Variants in ASB1 observed in about 807,000 individuals in gnomAD.
ASB1 encodes ankyrin repeat and SOCS box protein 1.
In ASB1, 18 loss-of-function variants were observed where a neutral mutation model predicts 27.7. The observed-to-expected ratio is 0.65, with a 90% CI of 0.45 to 0.96. The LOEUF (loss-of-function observed/expected upper bound fraction) is 0.96, where lower values mean the gene tolerates loss of function less well. ASB1 is among the 50% of genes least tolerant of loss of function. The pLI, the probability that ASB1 is intolerant of heterozygous loss-of-function variation, is 0.00. For missense variants in ASB1, 397 were observed against 451.7 expected (o/e 0.88, Z 1.10); for synonymous variants, 189 against 187.6 (o/e 1.01, Z -0.06).
At chr2:238,430,589 T>C (rs2106401929) in intron 1 of ASB1, among the ~76,000 whole-genome samples, 1 of 152,372 alleles carries the variant, frequency 6.6e-6, no homozygotes, top group South Asian at 2.1e-4. Context: ...ATGTTCTAAA[T>C]GACATCTAGA....
rs976236159 is a variant in ASB1, at chr2:238,451,718, G to A, written c.*5207G>A. ...CTTTTGATATGATATTGTAACTTTA[G>A]TAAATGCTTTACTTCCCTCTAATTG... On this transcript the variant is annotated 3_prime_UTR_variant, in exon 5 of 5. Coordinates refer to ENST00000264607, the MANE Select transcript of ASB1 (RefSeq NM_001040445.3). 6.6e-6 allele frequency: 1 copy of A among 152,600 alleles called. No individual in the cohort carries two copies. Among genetic ancestry groups the A allele is most frequent in the Non-Finnish European group, 1.5e-5 (1 of 68,038 alleles). The allele number at this position is 152,600 out of a possible 1,614,324, so 9.5% of individuals were successfully genotyped here.
intron 3 of ASB1, among the ~76,000 whole-genome samples, 178 bp from the exon 4 acceptor site, chr2:238,444,164 G>T (rs1470354735): frequency 6.6e-6 from 1 of 152,206 alleles, no homozygotes; most frequent in Non-Finnish European, 1.5e-5. Context: ...GTTCTTTCCT[G>T]CTACCTTATC....
At chr2:238,441,637 A>G (rs1437100047) in intron 3 of ASB1, among the ~76,000 whole-genome samples, 1 of 152,078 alleles carries the variant, frequency 6.6e-6, no homozygotes, top group Non-Finnish European at 1.5e-5. Context: ...GCTGCTCCGG[A>G]GCAGTGTACA....
rs1169250487 is a variant in ASB1, at chr2:238,447,801, CA to C, written c.*1292del. 1 of 152,222 alleles carries C rather than the reference CA, an allele frequency of 6.6e-6. No individual in the cohort carries two copies. The highest frequency in any genetic ancestry group is 1.9e-4 in the East Asian group (1 of 5,198). 9.4% of individuals were successfully genotyped at this position (152,222 alleles called of 1,614,324 possible). ...AGAAATCCAATTTGTAAAACTTGAA[CA>C]ATGATACCGTTTTATTTACTTAGTA... On this transcript the variant is annotated 3_prime_UTR_variant, in exon 5 of 5. Transcript: ENST00000264607.
At position 238,427,065 on chromosome 2, in the gene ASB1, G is replaced by C; in HGVS notation, c.-6G>C. 1 of 1,261,728 alleles carries C rather than the reference G, an allele frequency of 7.9e-7. No homozygotes were observed. Among genetic ancestry groups the C allele is most frequent in the Non-Finnish European group, 1.0e-6 (1 of 1,004,450 alleles). The allele number at this position is 1,261,728 out of a possible 1,614,324, so 78.2% of individuals were successfully genotyped here. On this transcript the variant is annotated 5_prime_UTR_variant, in exon 1 of 5. Coordinates refer to ENST00000264607, the MANE Select transcript of ASB1 (RefSeq NM_001040445.3). ...GTCAGGGGCGGCCGCGGAGGCGGAAGCATCCATGGCGGAGGGCGGCAGCCC... is the reference window on the plus strand; with the variant it reads ...GTCAGGGGCGGCCGCGGAGGCGGAACCATCCATGGCGGAGGGCGGCAGCCC...
intron 3 of ASB1, among the ~76,000 whole-genome samples, chr2:238,437,712 G>A (rs1365167565): frequency 1.3e-5 from 2 of 152,062 alleles, no homozygotes; most frequent in Non-Finnish European, 2.9e-5. Context: ...TGGTTCTCAG[G>A]GAAATTTTTC....
Position 238,438,198 on chromosome 2 carries a change from C to CTTTTTTTT in ASB1, c.494+2185_494+2186insTTTTTTTT, listed in dbSNP as rs1559414171. Among the ~76,000 whole-genome samples, 414 of 44,850 alleles carry CTTTTTTTT rather than the reference C, an allele frequency of 9.2e-3. 14 individuals carry two copies. Among genetic ancestry groups the CTTTTTTTT allele is most frequent in the African/African-American group, 0.039 (385 of 9,774 alleles). 29.4% of individuals were successfully genotyped at this position (44,850 alleles called of 152,430 possible). A position where few individuals can be genotyped will look rare whatever the true frequency, so the allele number is the denominator to read the frequency against. On this transcript the variant is annotated intron_variant, in intron 3 of 4. Coordinates refer to ENST00000264607, the MANE Select transcript of ASB1 (RefSeq NM_001040445.3). The stretch of plus-strand genomic sequence containing the variant: ...GAGAAGTACATATACAGATGCCCTT[C>CTTTTTTTT]ATTTTTTTTTTTTTTTTTTGAGACG...
At chr2:238,435,408 T>G in intron 2 of ASB1, 2 of 380,768 alleles carry the variant, frequency 5.3e-6, no homozygotes, top group East Asian at 5.5e-5. Flanking sequence ...TTCCCACCTT[T>G]GTAGAGGAAG....
At chr2:238,445,591 T>G (rs888750293) in intron 4 of ASB1, among the ~76,000 whole-genome samples, 8 of 152,350 alleles carry the variant, frequency 5.3e-5, no homozygotes, top group African/African-American at 1.9e-4. Flanking sequence ...TCCGAGGCTC[T>G]CTGGGATTCA....
At chr2:238,429,937 C>CAA (rs34241968) in intron 1 of ASB1, among the ~76,000 whole-genome samples, 6,555 of 132,576 alleles carry the variant, frequency 0.049, 450 homozygotes, top group African/African-American at 0.16. Context: ...GACTCCGTCT[C>CAA]AAAAAAAAAA....
chr2:238,435,663 C>G, intron 2 of ASB1, 48 bp from the exon 3 acceptor site: 1 of 1,557,544 alleles, frequency 6.4e-7, no homozygotes. Flanking sequence ...GCAGCCCGTC[C>G]CTGTCCTGCG....
rs552809178 is a variant in ASB1, at chr2:238,444,671, C to A, written c.824C>A (p.Ser275Ter). 2 of 1,613,974 alleles carry A rather than the reference C, an allele frequency of 1.2e-6. No homozygotes were observed. Among genetic ancestry groups the A allele is most frequent in the South Asian group, 1.1e-5 (1 of 91,072 alleles). The change falls in exon 4 of 5, where the codon TCG becomes TAG. Residue 275 changes from serine (S) to a stop codon, truncating the protein, a stop_gained. Transcript: ENST00000264607. LOFTEE classifies it high-confidence loss of function. ...LVKWESLGPE[S>*]RGRRKVDPEA... ...AAGTGGGAATCGCTGGGCCCAGAGT[C>A]GAGAGGAAGAAGAAAAGTGGACCCT...
At chr2:238,444,217 C>A in intron 3 of ASB1, 125 bp from the exon 4 acceptor site, 2 of 1,024,262 alleles carry the variant, frequency 2.0e-6, no homozygotes, top group Non-Finnish European at 2.8e-6. Flanking sequence ...GAGTCTCCTA[C>A]AGCGCCTGGT....
Position 238,435,786 on chromosome 2 carries a change from C to T in ASB1, c.267C>T (p.Gly89=), listed in dbSNP as rs1375746260. 1 of 1,614,150 alleles carries T rather than the reference C, an allele frequency of 6.2e-7. No individual in the cohort carries two copies. The highest frequency in any genetic ancestry group is 1.1e-5 in the South Asian group (1 of 91,068). Residue 89 remains glycine (G), a synonymous_variant, in exon 3 of 5, where the codon GGC becomes GGT. Transcript: ENST00000264607. The part of the protein sequence containing the change: ...CTPLRIAATA[G]HGSCVDFLIR... Reference sequence around the variant, plus strand: ...CGTTGCGAATCGCGGCCACTGCAGGCCATGGGAGCTGTGTGGACTTCCTCA... The same window carrying T: ...CGTTGCGAATCGCGGCCACTGCAGGTCATGGGAGCTGTGTGGACTTCCTCA...
At chr2:238,437,562 C>CT (rs5839700) in intron 3 of ASB1, among the ~76,000 whole-genome samples, 66,294 of 149,170 alleles carry the variant, frequency 0.44, 17,243 homozygotes, top group Middle Eastern at 0.62. Flanking sequence ...TAACGGTTGC[C>CT]TTTTTTTTTT....
At chr2:238,428,795 A>G (rs3769111) in intron 1 of ASB1, among the ~76,000 whole-genome samples, 2 of 152,314 alleles carry the variant, frequency 1.3e-5, no homozygotes, top group East Asian at 3.9e-4. Context: ...TTCTGAGTCT[A>G]CTTTGAGCAG....
rs1702263415 is a variant in ASB1 at position 238,450,548 on chromosome 2, G to A, written c.*4037G>A. 2 of 152,236 alleles carry A rather than the reference G, an allele frequency of 1.3e-5. No homozygotes were observed. The highest frequency in any genetic ancestry group is 1.3e-4 in the Admixed American group (2 of 15,294). The allele number at this position is 152,236 out of a possible 1,614,324, so 9.4% of individuals were successfully genotyped here. A position where few individuals can be genotyped will look rare whatever the true frequency, so the allele number is the denominator to read the frequency against. ...CAGTCTAGCTGTGGTGCATGTTTACGTATTGGTGAGAAATTCCTCTTGGGT... is the reference window on the plus strand; with the variant it reads ...CAGTCTAGCTGTGGTGCATGTTTACATATTGGTGAGAAATTCCTCTTGGGT... On this transcript the variant is annotated 3_prime_UTR_variant, in exon 5 of 5. Transcript: ENST00000264607.
At chr2:238,441,102 A>G (rs925669878) in intron 3 of ASB1, among the ~76,000 whole-genome samples, 11 of 151,292 alleles carry the variant, frequency 7.3e-5, no homozygotes, top group Non-Finnish European at 8.8e-5. Context: ...CCAGCTGGAT[A>G]CCTGATTGAG....
Position 238,432,289 on chromosome 2 carries a change from A to G in ASB1, c.50-1265A>G, listed in dbSNP as rs535907322. Among the ~76,000 whole-genome samples, 4 of 152,354 alleles carry G rather than the reference A, an allele frequency of 2.6e-5. No homozygotes were observed. In the South Asian group the frequency reaches 8.3e-4, roughly 32 times the overall value. On this transcript the variant is annotated intron_variant, in intron 1 of 4. Coordinates refer to ENST00000264607, the MANE Select transcript of ASB1 (RefSeq NM_001040445.3). ...GTGACATCTGATAACAAAATCCCAA[A>G]GAAATGGGTCACGCTTTATTTAAAA...
Sources: allele counts gnomAD v4.1 joint callset (sites outside exome capture counted in the v4.1 genomes callset), GRCh38; gene constraint gnomAD v4.1.1; transcripts MANE v1.5; gene names NCBI Gene and HGNC (gene_info 2026-07-23, HGNC 2026-07-21).